The following CELF2 variants were observed in gnomAD, a reference collection of about 807,000 sequenced individuals.
CELF2 encodes CUG triplet repeat RNA-binding protein 2.
Under a neutral mutation model 62.6 loss-of-function variants are expected in CELF2, and 8 were observed. The ratio of observed to expected loss-of-function variants is 0.13; its 90% CI spans 0.07 to 0.23. The LOEUF (loss-of-function observed/expected upper bound fraction) is 0.23. CELF2 is among the 10% of genes least tolerant of loss of function. The pLI, the probability that CELF2 is intolerant of heterozygous loss-of-function variation, is 1.00. For synonymous variants in CELF2, 258 were observed against 250.0 expected, an observed-to-expected ratio of 1.03 and a Z score of -0.30; for missense variants, 333 against 671.0, an observed-to-expected ratio of 0.50 and a Z score of 5.56.
chr10:10,737,884 G>C, the CELF2 span, among the ~76,000 whole-genome samples: 1 of 152,330 alleles, frequency 6.6e-6, no homozygotes, highest in South Asian at 2.1e-4. Context: ...TCTCTCCCCA[G>C]CTAATGGACT....
chr10:10,742,833 G>C, the CELF2 span, among the ~76,000 whole-genome samples: 2 of 152,176 alleles, frequency 1.3e-5, no homozygotes, highest in Non-Finnish European at 2.9e-5. Context: ...TGCATTAAGG[G>C]AGGATTTGTG....
intron 2 of CELF2, among the ~76,000 whole-genome samples, chr10:11,186,277 C>G (rs1430188800): frequency 2.8e-5 from 4 of 144,742 alleles, no homozygotes; most frequent in African/African-American, 7.6e-5. Flanking sequence ...TACTAAAGAA[C>G]TAGCCTTTGG....
chr10:10,694,194 A>G, the CELF2 span, among the ~76,000 whole-genome samples: 3 of 151,554 alleles, frequency 2.0e-5, no homozygotes, highest in Non-Finnish European at 4.4e-5. Flanking sequence ...TGCGTCCCAG[A>G]GATTCTGGTA....
At chr10:10,482,990 C>T in the CELF2 span, among the ~76,000 whole-genome samples, 10 of 152,104 alleles carry the variant, frequency 6.6e-5, no homozygotes, top group Admixed American at 3.9e-4. Context: ...ACAATAAAGG[C>T]GCTGGACCCT....
chr10:10,690,756 T>A, the CELF2 span, among the ~76,000 whole-genome samples: 13 of 152,240 alleles, frequency 8.5e-5, no homozygotes, highest in South Asian at 2.7e-3. Context: ...GATGCACGCC[T>A]ATAATACCAG....
Position 11,117,416 on chromosome 10 carries a change from A to C in CELF2, c.75-48070A>C, listed in dbSNP as rs1008903226. 6.6e-6 allele frequency among the ~76,000 whole-genome samples: 1 copy of C among 152,204 alleles called. No homozygotes were observed. The highest frequency in any genetic ancestry group is 2.4e-5 in the African/African-American group (1 of 41,458). ...TGGTTAGGTATCATTCGAAAAAGCC[A>C]GTGGCTCTCCAGGAATGAAGATGCT... On this transcript the variant is annotated intron_variant, in intron 1 of 12. Coordinates refer to ENST00000633077, the MANE Select transcript of CELF2 (RefSeq NM_001326342.2). The surrounding 1 kb of genome is among the most constrained non-coding windows in gnomAD (Gnocchi z 4.1).
In CELF2 at chr10:11,311,183, A is replaced by G. The variant is rs946338043; in HGVS notation, c.977-2956A>G. ...CAAGGAAAACTGACTATCTCAAAAC[A>G]TAGTGCTGGGTAGGGCCAGGGGAAT... On this transcript the variant is annotated intron_variant, in intron 9 of 12. Coordinates refer to ENST00000633077, the MANE Select transcript of CELF2 (RefSeq NM_001326342.2). This position sits in a 1 kb window ranked among gnomAD's most constrained non-coding sequence, Gnocchi z 4.7. 2.0e-5 allele frequency among the ~76,000 whole-genome samples: 3 copies of G among 152,224 alleles called. No homozygotes were observed. Among genetic ancestry groups the G allele is most frequent in the African/African-American group, 2.4e-5 (1 of 41,468 alleles).
chr10:10,558,673 T>A, the CELF2 span, among the ~76,000 whole-genome samples: 2 of 152,102 alleles, frequency 1.3e-5, no homozygotes, highest in African/African-American at 2.4e-5. Context: ...CCTGGACTCT[T>A]TTTGCTTGGT....
chr10:10,802,971 C>A (rs1329103768), intron 1 of CELF2, among the ~76,000 whole-genome samples: 1 of 152,184 alleles, frequency 6.6e-6, no homozygotes, highest in Non-Finnish European at 1.5e-5. Context: ...AGTGATCTAG[C>A]CAGGTACTCA....
At chr10:10,559,001 A>T in the CELF2 span, among the ~76,000 whole-genome samples, 1 of 152,178 alleles carries the variant, frequency 6.6e-6, no homozygotes, top group African/African-American at 2.4e-5. Context: ...TTATATTAAT[A>T]TTGAAGTGAT....
chr10:11,235,969 T>C (rs2071108517), intron 3 of CELF2, among the ~76,000 whole-genome samples: 1 of 152,216 alleles, frequency 6.6e-6, no homozygotes, highest in Non-Finnish European at 1.5e-5. Context: ...GGAAAAAGAT[T>C]GCTGAGTGAG....
chr10:10,843,943 C>G (rs2132585910), intron 1 of CELF2, among the ~76,000 whole-genome samples: 1 of 151,826 alleles, frequency 6.6e-6, no homozygotes, highest in Admixed American at 6.6e-5. Flanking sequence ...GTCTGAGCAG[C>G]CACTTATGTA....
At chr10:10,481,524 C>G in the CELF2 span, among the ~76,000 whole-genome samples, 2 of 152,274 alleles carry the variant, frequency 1.3e-5, no homozygotes, top group East Asian at 3.9e-4. Context: ...ATCAACTTCC[C>G]CACACTCCAT....
the CELF2 span, among the ~76,000 whole-genome samples, chr10:10,752,724 A>G: frequency 5.3e-5 from 8 of 150,852 alleles, no homozygotes; most frequent in Non-Finnish European, 1.0e-4. Context: ...AAAAGAAAAA[A>G]AAAGATATTC....
At chr10:10,464,895 T>C in the CELF2 span, among the ~76,000 whole-genome samples, 53,005 of 151,998 alleles carry the variant, frequency 0.35, 9,940 homozygotes, top group Admixed American at 0.43. Context: ...TACCTAAGGA[T>C]ACGTAATATC....
chr10:10,497,208 TAAAAA>T, the CELF2 span, among the ~76,000 whole-genome samples: 1 of 96,790 alleles, frequency 1.0e-5, no homozygotes, highest in Non-Finnish European at 2.1e-5. Context: ...AAAAAAAAGA[TAAAAA>T]GAAAAAAAAA....
chr10:10,493,425 A>G, the CELF2 span, among the ~76,000 whole-genome samples: 2 of 152,072 alleles, frequency 1.3e-5, no homozygotes, highest in Admixed American at 6.5e-5. Flanking sequence ...AATGGTCAAA[A>G]TGGTAAATTT....
At chr10:11,002,021 G>T (rs1592931216), upstream of CELF2, among the ~76,000 whole-genome samples, 1 of 152,124 alleles carries the variant, frequency 6.6e-6, no homozygotes, top group African/African-American at 2.4e-5. This position sits in a 1 kb window ranked among gnomAD's most constrained non-coding sequence, Gnocchi z 4.4. Context: ...CTATCTATCT[G>T]TATTAGTCCA....
intron 1 of CELF2, among the ~76,000 whole-genome samples, chr10:11,068,587 G>A (rs1288495674): frequency 2.0e-5 from 3 of 151,160 alleles, no homozygotes; most frequent in African/African-American, 7.3e-5. Flanking sequence ...TTGAGACGGA[G>A]TCTTGCTCTG....
Sources: allele counts gnomAD v4.1 joint callset (sites outside exome capture counted in the v4.1 genomes callset), GRCh38; gene constraint gnomAD v4.1.1; non-coding constraint Gnocchi (gnomAD v3.1); transcripts MANE v1.5; gene names NCBI Gene and HGNC (gene_info 2026-07-23, HGNC 2026-07-21).